Variants in FER1L6 observed in about 807,000 individuals in gnomAD.
FER1L6 encodes the protein fer-1 like family member 6, also known as fer-1-like protein 6.
Under a neutral mutation model 219.2 loss-of-function variants are expected in FER1L6, and 177 were observed. The ratio of observed to expected loss-of-function variants is 0.81; its 90% CI spans 0.71 to 0.91. FER1L6 has a LOEUF of 0.91. FER1L6 is among the 40% of genes least tolerant of loss of function. The pLI, the probability that FER1L6 is intolerant of heterozygous loss-of-function variation, is 0.00. For missense variants in FER1L6, 2,153 were observed against 2,259.9 expected (o/e 0.95, Z 0.96); for synonymous variants, 768 against 824.3 (o/e 0.93, Z 1.17).
rs200479041 is a variant in FER1L6 at position 124,039,923 on chromosome 8, C to G, written c.2506C>G (p.Arg836Gly). The G allele has an allele frequency of 6.2e-7, 1 of 1,613,964 alleles. No homozygotes were observed. Among genetic ancestry groups the G allele is most frequent in the Admixed American group, 1.7e-5 (1 of 59,984 alleles). The change falls in exon 20 of 41, where the codon CGG becomes GGG. Residue 836 changes from arginine (R) to glycine (G), a missense_variant. Physicochemically the swap from Arg to Gly is moderately radical, Grantham distance 125. Coordinates refer to ENST00000522917, the MANE Select transcript of FER1L6 (RefSeq NM_001039112.2). ...GCTGAGGGCTCACATGTACCAAGCC[C>G]GGGGCCTCATCGCAGCTGACAGCAA... ...FQLRAHMYQA[R>G]GLIAADSNGL...
rs534315922 is a variant in FER1L6 at position 124,060,110 on chromosome 8, G to A, written c.2875-70G>A. ...AAACAGTGAACATCTTACTGATGAGGTGGTTGTGTGGCACTGTTGCCTTCC... is the reference window on the plus strand; with the variant it reads ...AAACAGTGAACATCTTACTGATGAGATGGTTGTGTGGCACTGTTGCCTTCC... On this transcript the variant is annotated intron_variant, in intron 22 of 40. Coordinates refer to ENST00000522917, the MANE Select transcript of FER1L6 (RefSeq NM_001039112.2). 28 of 1,084,944 alleles carry A rather than the reference G, an allele frequency of 2.6e-5. No homozygotes were observed. The South Asian group carries it at 3.3e-4, about 13-fold the overall frequency. 67.2% of individuals were successfully genotyped at this position (1,084,944 alleles called of 1,614,324 possible).
Position 123,856,308 on chromosome 8 carries a change from A to ATGTGTGTGTGTG in FER1L6, c.-8+4126_-8+4127insGTGTGTGTGTGT, listed in dbSNP as rs200449762. Reference sequence around the variant, plus strand: ...TGTGTGTGTGTATATATATATATATATGTATGTGTATATATATATATATAT... The same window carrying ATGTGTGTGTGTG: ...TGTGTGTGTGTATATATATATATATATGTGTGTGTGTGTGTATGTGTATATATATATATATAT... On this transcript the variant is annotated intron_variant, in intron 1 of 40. Transcript: ENST00000522917. Among the ~76,000 whole-genome samples the ATGTGTGTGTGTG allele has an allele frequency of 2.8e-4, 18 of 64,222 alleles. 4 individuals are homozygous for ATGTGTGTGTGTG. Among genetic ancestry groups the ATGTGTGTGTGTG allele is most frequent in the African/African-American group, 7.2e-4 (12 of 16,694 alleles). The allele number at this position is 64,222 out of a possible 152,430, so 42.1% of individuals were successfully genotyped here.
chr8:124,077,987 C>T (rs528326963), intron 32 of FER1L6, among the ~76,000 whole-genome samples: 49 of 152,196 alleles, frequency 3.2e-4, no homozygotes, highest in Middle Eastern at 3.4e-3. Flanking sequence ...TGGTATCTTG[C>T]GTTGCTTTAC....
intron 15 of FER1L6, among the ~76,000 whole-genome samples, chr8:124,015,436 C>T (rs1310027354): frequency 2.6e-5 from 4 of 151,576 alleles, no homozygotes; most frequent in African/African-American, 9.7e-5. Flanking sequence ...TGATGAGAGG[C>T]AGGGAGTAGC....
chr8:123,855,485 G>A (rs1816615974), intron 1 of FER1L6, among the ~76,000 whole-genome samples: 1 of 151,846 alleles, frequency 6.6e-6, no homozygotes, highest in Admixed American at 6.6e-5. Flanking sequence ...AGCCCACTGA[G>A]TTCTCATCCA....
At chr8:123,865,998 C>T (rs1217005121) in intron 1 of FER1L6, among the ~76,000 whole-genome samples, 1 of 150,330 alleles carries the variant, frequency 6.7e-6, no homozygotes, top group Admixed American at 6.6e-5. Context: ...GCCATCTTGG[C>T]TCCTCCCCCC....
chr8:123,975,425 C>T, intron 8 of FER1L6, 119 bp downstream of exon 8: 1 of 952,950 alleles, frequency 1.0e-6, no homozygotes, highest in East Asian at 2.7e-5. Flanking sequence ...TCAGCTTGGT[C>T]ACCTGGCATT....
chr8:124,050,004 G>A (rs568615765), intron 22 of FER1L6, among the ~76,000 whole-genome samples: 1 of 152,182 alleles, frequency 6.6e-6, no homozygotes, highest in African/African-American at 2.4e-5. Flanking sequence ...AACAATGCTT[G>A]AGCAGCCTTG....
At chr8:123,978,476 G>T (rs184275433) in intron 10 of FER1L6, among the ~76,000 whole-genome samples, 134 of 152,172 alleles carry the variant, frequency 8.8e-4, no homozygotes, top group Non-Finnish European at 1.5e-5. Context: ...CAGTTATATG[G>T]CTCTTTATTT....
intron 1 of FER1L6, among the ~76,000 whole-genome samples, chr8:123,941,835 A>G (rs2129996756): frequency 6.6e-6 from 1 of 152,270 alleles, no homozygotes; most frequent in South Asian, 2.1e-4. Flanking sequence ...AGGCTTGGCT[A>G]CCTTGAAAGG....
intron 1 of FER1L6, among the ~76,000 whole-genome samples, chr8:123,934,658 C>A (rs1813913448): frequency 6.6e-6 from 1 of 152,008 alleles, no homozygotes; most frequent in Non-Finnish European, 1.5e-5. Flanking sequence ...GTGGTACCAC[C>A]AGACTGCCCC....
chr8:123,865,987 G>A (rs1397327913), intron 1 of FER1L6, among the ~76,000 whole-genome samples: 3 of 151,152 alleles, frequency 2.0e-5, no homozygotes, highest in Non-Finnish European at 4.4e-5. Flanking sequence ...GTTCCTATTC[G>A]GCCATCTTGG....
chr8:123,979,606 T>A (rs967738233), intron 10 of FER1L6, among the ~76,000 whole-genome samples: 2 of 152,194 alleles, frequency 1.3e-5, no homozygotes, highest in Non-Finnish European at 2.9e-5. Context: ...GTGAAAATAC[T>A]TACATCAGCA....
intron 20 of FER1L6, among the ~76,000 whole-genome samples, chr8:124,043,507 G>A (rs772770335): frequency 2.9e-4 from 44 of 152,134 alleles, no homozygotes; most frequent in Non-Finnish European, 2.6e-4. Context: ...GAAATGAGGC[G>A]AATTATAGGC....
intron 12 of FER1L6, among the ~76,000 whole-genome samples, chr8:123,993,891 A>T (rs1432419500): frequency 6.6e-6 from 1 of 152,174 alleles, no homozygotes; most frequent in Non-Finnish European, 1.5e-5. Context: ...AGACTCTGTG[A>T]GATTCTCTGA....
chr8:124,055,366 C>A lies in FER1L6; in HGVS notation c.2875-4814C>A, dbSNP rs115574805. On this transcript the variant is annotated intron_variant, in intron 22 of 40. Coordinates refer to ENST00000522917, the MANE Select transcript of FER1L6 (RefSeq NM_001039112.2). Reference sequence around the variant, plus strand: ...CTCCAGCCTGGGTGATAGAGCAAGACCCTGTCTTGAAAAAAAAAATGCATC... The same window carrying A: ...CTCCAGCCTGGGTGATAGAGCAAGAACCTGTCTTGAAAAAAAAAATGCATC... Among the ~76,000 whole-genome samples, 381 of 152,054 alleles carry A rather than the reference C, an allele frequency of 2.5e-3. 1 individual carries two copies. Among genetic ancestry groups the A allele is most frequent in the African/African-American group, 8.8e-3 (365 of 41,466 alleles).
intron 1 of FER1L6, among the ~76,000 whole-genome samples, chr8:123,910,330 G>A (rs1813029779): frequency 6.6e-6 from 1 of 152,180 alleles, no homozygotes; most frequent in South Asian, 2.1e-4. Context: ...AAGACAATGG[G>A]GTAGAGGAGC....
chr8:123,943,629 G>A (rs1814352835), intron 1 of FER1L6, among the ~76,000 whole-genome samples: 1 of 152,182 alleles, frequency 6.6e-6, no homozygotes, highest in Non-Finnish European at 1.5e-5. Flanking sequence ...GGTCCAGGAA[G>A]CTGGTGAGTA....
At chr8:123,940,426 C>T (rs1422381850) in intron 1 of FER1L6, among the ~76,000 whole-genome samples, 1 of 152,166 alleles carries the variant, frequency 6.6e-6, no homozygotes, top group East Asian at 1.9e-4. Flanking sequence ...CAACCTCCGC[C>T]TCCCAAGTTC....
Sources: gnomAD v4.1 joint callset for allele counts (sites outside exome capture counted in the v4.1 genomes callset) on GRCh38, gnomAD v4.1.1 for gene constraint, MANE v1.5 for transcripts, NCBI Gene and HGNC (gene_info 2026-07-23, HGNC 2026-07-21) for gene names.